The following ACSM3 variants were observed in gnomAD, a reference collection of about 807,000 sequenced individuals.
ACSM3 encodes acyl-coenzyme A synthetase ACSM3, mitochondrial.
Under a neutral mutation model 74.1 loss-of-function variants are expected in ACSM3, and 61 were observed. The ratio of observed to expected loss-of-function variants is 0.82; its 90% CI spans 0.67 to 1.02. ACSM3 has a LOEUF of 1.02. Ranked by LOEUF, ACSM3 falls within the 50% of genes least tolerant of loss-of-function variation. ACSM3 has a pLI of 0.00. For missense variants in ACSM3, 660 were observed against 697.0 expected (o/e 0.95, Z 0.60); for synonymous variants, 213 against 241.5 (o/e 0.88, Z 1.09).
chr16:20,769,232 A>G (rs1330030120), intron 1 of ACSM3, among the ~76,000 whole-genome samples: 1 of 152,232 alleles, frequency 6.6e-6, no homozygotes, highest in Non-Finnish European at 1.5e-5. Flanking sequence ...CATAATCCCT[A>G]GAACTGTATT....
chr16:20,796,955 G>A lies in ACSM3; in HGVS notation c.1744G>A (p.Glu582Lys), dbSNP rs1226546681. Residue 582 changes from glutamate (E) to lysine (K), a missense_variant, in exon 14 of 14, where the codon GAA (glutamate) becomes AAA (lysine). Physicochemically the swap from Glu to Lys is moderately conservative, Grantham distance 56. Transcript: ENST00000289416. ...KTKRNELRKK[E>K]WKTI ...AAAAAGAAATGAACTGAGGAAGAAA[G>A]AATGGAAGACAATTTAAAGTTGTTT... 6.2e-7 allele frequency: 1 copy of A among 1,612,254 alleles called. No individual in the cohort carries two copies. The highest frequency in any genetic ancestry group is 1.7e-5 in the Admixed American group (1 of 59,720).
At chr16:20,737,521 TCTAA>T (rs2079881163) in intron 1 of ACSM3, among the ~76,000 whole-genome samples, 1 of 152,230 alleles carries the variant, frequency 6.6e-6, no homozygotes, top group African/African-American at 2.4e-5. Flanking sequence ...AAGACTTTTA[TCTAA>T]CTACCAGAAA....
At chr16:20,695,013 A>G (rs1312745391) in intron 1 of ACSM3, among the ~76,000 whole-genome samples, 1 of 152,210 alleles carries the variant, frequency 6.6e-6, no homozygotes, top group Non-Finnish European at 1.5e-5. Context: ...CCACTCAGTC[A>G]TTAGTAATTT....
intron 1 of ACSM3, among the ~76,000 whole-genome samples, chr16:20,699,937 G>A (rs1262598719): frequency 2.0e-5 from 3 of 152,124 alleles, no homozygotes; most frequent in Non-Finnish European, 4.4e-5. Context: ...GCTAAAGTGA[G>A]GCCATTAAAC....
chr16:20,772,273 T>C (rs947891815), intron 2 of ACSM3, among the ~76,000 whole-genome samples: 2 of 152,132 alleles, frequency 1.3e-5, no homozygotes, highest in Non-Finnish European at 2.9e-5. Flanking sequence ...TGTCTGTTTT[T>C]GGTTTTGTTG....
intron 1 of ACSM3, among the ~76,000 whole-genome samples, chr16:20,709,649 C>T (rs2079738154): frequency 6.6e-6 from 1 of 152,178 alleles, no homozygotes; most frequent in African/African-American, 2.4e-5. Context: ...AATGAATACT[C>T]TAAGGTATTT....
At chr16:20,747,248 T>C (rs2079961656) in intron 1 of ACSM3, among the ~76,000 whole-genome samples, 1 of 152,188 alleles carries the variant, frequency 6.6e-6, no homozygotes, top group Non-Finnish European at 1.5e-5. Context: ...GTTTTTCTTC[T>C]CTTTCAGCTT....
intron 1 of ACSM3, among the ~76,000 whole-genome samples, chr16:20,730,938 G>A (rs1713830647): frequency 6.6e-6 from 1 of 152,180 alleles, no homozygotes; most frequent in Admixed American, 6.5e-5. Context: ...ATAGCTCACT[G>A]CAACCTCAAA....
intron 3 of ACSM3, among the ~76,000 whole-genome samples, chr16:20,757,571 T>A (rs2080041776): frequency 1.3e-5 from 2 of 150,414 alleles, no homozygotes; most frequent in Non-Finnish European, 3.0e-5. Flanking sequence ...TACAATCATG[T>A]CGTCTGCAAA....
chr16:20,756,700 A>G (rs2080034370), intron 3 of ACSM3, among the ~76,000 whole-genome samples: 1 of 152,032 alleles, frequency 6.6e-6, no homozygotes, highest in Admixed American at 6.6e-5. Context: ...TAGACATGAA[A>G]TCCTTGCCCA....
chr16:20,789,767 C>T lies in ACSM3; in HGVS notation c.1225-820C>T, dbSNP rs989578242. 8.6e-5 allele frequency among the ~76,000 whole-genome samples: 13 copies of T among 151,188 alleles called. No homozygotes were observed. The East Asian group carries it at 1.2e-3, about 14-fold the overall frequency. The stretch of plus-strand genomic sequence containing the variant: ...TCGGCTCACTGCAACCTCCCCATCC[C>T]GGGTTCAAGCAATTCTCCTGCTCAA... On this transcript the variant is annotated intron_variant, in intron 9 of 13. Transcript: ENST00000289416.
chr16:20,690,021 A>G (rs1308748287), intron 1 of ACSM3, among the ~76,000 whole-genome samples: 1 of 152,244 alleles, frequency 6.6e-6, no homozygotes, highest in African/African-American at 2.4e-5. Flanking sequence ...ATGCAAGGTG[A>G]TTGCCAAGGC....
intron 12 of ACSM3, among the ~76,000 whole-genome samples, chr16:20,795,280 C>A (rs2080698879): frequency 6.6e-6 from 1 of 152,164 alleles, no homozygotes; most frequent in Admixed American, 6.5e-5. Context: ...CTCGGCCTCC[C>A]AAATGTTGGC....
At chr16:20,767,345 G>A (rs2080138317) in intron 1 of ACSM3, among the ~76,000 whole-genome samples, 1 of 37,656 alleles carries the variant, frequency 2.7e-5, no homozygotes, top group Non-Finnish European at 6.7e-5. Context: ...GTGAAACCCC[G>A]TCTCTACTAA....
intron 1 of ACSM3, among the ~76,000 whole-genome samples, chr16:20,741,189 G>C (rs1395017678): frequency 6.6e-6 from 1 of 152,166 alleles, no homozygotes. Context: ...AGGCTTCCCT[G>C]AGCTATCATC....
chr16:20,766,105 A>G (rs2080122839), intron 1 of ACSM3, among the ~76,000 whole-genome samples: 1 of 152,178 alleles, frequency 6.6e-6, no homozygotes, highest in Non-Finnish European at 1.5e-5. Context: ...ACCTTAAGAT[A>G]TTTGTCCAAA....
chr16:20,718,644 G>T (rs2079774247), intron 1 of ACSM3, among the ~76,000 whole-genome samples: 1 of 152,144 alleles, frequency 6.6e-6, no homozygotes, highest in South Asian at 2.1e-4. Flanking sequence ...GCCCAACCTA[G>T]CTTAGTAAAT....
intron 1 of ACSM3, chr16:20,728,032 A>C (rs1235219199): frequency 5.2e-6 from 1 of 192,138 alleles, no homozygotes; most frequent in African/African-American, 2.4e-5. Flanking sequence ...ACTGGTCTCA[A>C]ATAGTATATT....
chr16:20,763,267 G>A (rs1264261278), upstream of ACSM3, among the ~76,000 whole-genome samples: 2 of 152,156 alleles, frequency 1.3e-5, 1 homozygote, highest in Admixed American at 1.3e-4. Flanking sequence ...AATGGTAAAA[G>A]AGAAAAAATG....
Sources: gnomAD v4.1 joint callset for allele counts (sites outside exome capture counted in the v4.1 genomes callset) on GRCh38, gnomAD v4.1.1 for gene constraint, MANE v1.5 for transcripts, NCBI Gene and HGNC (gene_info 2026-07-23, HGNC 2026-07-21) for gene names.